CNR1: variants seen among roughly 807,000 people sequenced by gnomAD.
CNR1 encodes cannabinoid receptor 1 (brain).
A neutral mutation model predicts 23.0 loss-of-function variants in CNR1; 10 were observed. That is an observed-to-expected ratio of 0.43 (90% confidence interval 0.27 to 0.74). The LOEUF is 0.74. Among genes scored for constraint, CNR1 ranks in the 30% least tolerant of loss-of-function variants. CNR1 has a pLI of 0.19. For synonymous variants in CNR1, 271 were observed against 255.2 expected (o/e 1.06, Z -0.59); for missense variants, 422 against 618.8 (o/e 0.68, Z 3.37).
chr6:88,154,685 T>C (rs1165781511), intron 1 of CNR1, among the ~76,000 whole-genome samples: 2 of 152,186 alleles, frequency 1.3e-5, no homozygotes, highest in African/African-American at 4.8e-5. Flanking sequence ...TTCAAGTGAT[T>C]CTCCTGCCTC....
chr6:88,146,732 A>C (rs1388247545), intron 1 of CNR1, among the ~76,000 whole-genome samples: 1 of 152,240 alleles, frequency 6.6e-6, no homozygotes, highest in African/African-American at 2.4e-5. Context: ...TAAAATAAGA[A>C]TTAAAACAAT....
chr6:88,153,045 A>G (rs1562510828), intron 1 of CNR1, among the ~76,000 whole-genome samples: 2 of 152,382 alleles, frequency 1.3e-5, no homozygotes, highest in South Asian at 4.1e-4. Context: ...TAGCCAACAT[A>G]TTCTAACAGT....
intron 1 of CNR1, among the ~76,000 whole-genome samples, chr6:88,152,861 T>C (rs916954609): frequency 4.6e-5 from 7 of 152,346 alleles, no homozygotes; most frequent in African/African-American, 1.7e-4. Context: ...TTGGGGGATG[T>C]AGCTGCCATT....
rs762109441 is a variant in CNR1 at position 88,144,240 on chromosome 6, C to G, written c.1035G>C (p.Leu345=). The G allele has an allele frequency of 2.5e-6, 4 of 1,611,392 alleles. No individual in the cohort carries two copies. The highest frequency in any genetic ancestry group is 3.3e-5 in the Admixed American group (2 of 59,994). The change falls in exon 2 of 2, where the codon CTG becomes CTC. Residue 345 remains leucine, a synonymous_variant. Transcript: ENST00000369501. The surrounding 1 kb of genome is among the most constrained non-coding windows in gnomAD (Gnocchi z 7.8). ...TGATCAACACCACCAGGATCAGGAC[C>G]AGGGTCTTGGCTAACCTAATGTCCA... ...ARMDIRLAKT[L]VLILVVLIIC... is the part of the protein sequence containing the mutation.
chr6:88,154,859 C>T (rs748649608), intron 1 of CNR1, among the ~76,000 whole-genome samples: 2 of 152,192 alleles, frequency 1.3e-5, no homozygotes, highest in Non-Finnish European at 2.9e-5. Context: ...GGATTACAGG[C>T]TTGAGCCACT....
chr6:88,157,406 C>A (rs1777859957), intron 1 of CNR1, among the ~76,000 whole-genome samples: 1 of 152,028 alleles, frequency 6.6e-6, no homozygotes, highest in Non-Finnish European at 1.5e-5. Context: ...TCTCCTCCTG[C>A]TACAACATTT....
chr6:88,149,827 CA>C (rs1259723905), intron 1 of CNR1, among the ~76,000 whole-genome samples: 1 of 152,178 alleles, frequency 6.6e-6, no homozygotes, highest in African/African-American at 2.4e-5. Flanking sequence ...CAGGCCTCAT[CA>C]CGTCGTATAA....
chr6:88,165,399 T>C (rs929149570), intron 1 of CNR1, among the ~76,000 whole-genome samples: 1 of 152,220 alleles, frequency 6.6e-6, no homozygotes, highest in African/African-American at 2.4e-5. Flanking sequence ...TACATCTCTT[T>C]ATATGACATT....
chr6:88,149,308 G>A (rs965393660), intron 1 of CNR1, among the ~76,000 whole-genome samples: 1 of 152,168 alleles, frequency 6.6e-6, no homozygotes, highest in South Asian at 2.1e-4. Flanking sequence ...AGTATCCTTA[G>A]TATCCTTAGG....
In CNR1 at chr6:88,144,936, G is replaced by T; in HGVS notation, c.339C>A (p.Pro113=). ...MDIECFMVLN[P]SQQLAIAVLS... ...GGACTGCAATGGCCAGCTGCTGGCTGGGGTTCAGGACCATGAAACACTCTA... is the reference window on the plus strand; with the variant it reads ...GGACTGCAATGGCCAGCTGCTGGCTTGGGTTCAGGACCATGAAACACTCTA... The change falls in exon 2 of 2, where the codon CCC becomes CCA. Residue 113 remains proline, a synonymous_variant. Transcript: ENST00000369501. The surrounding 1 kb of genome is among the most constrained non-coding windows in gnomAD (Gnocchi z 7.8). 1 of 1,614,168 alleles carries T rather than the reference G, an allele frequency of 6.2e-7. No individual in the cohort carries two copies. Among genetic ancestry groups the T allele is most frequent in the Non-Finnish European group, 8.5e-7 (1 of 1,180,024 alleles).
At chr6:88,155,599 A>C (rs1777750703) in intron 1 of CNR1, among the ~76,000 whole-genome samples, 1 of 152,238 alleles carries the variant, frequency 6.6e-6, no homozygotes, top group South Asian at 2.1e-4. Flanking sequence ...GTTTGGGAGA[A>C]GGTACACGTT....
chr6:88,162,937 A>C (rs1422174622), intron 1 of CNR1: 1 of 152,222 alleles, frequency 6.6e-6, no homozygotes, highest in Non-Finnish European at 1.5e-5. Context: ...TAAATACAAA[A>C]ATAGAAGAAA....
In CNR1 at chr6:88,140,531, CAATT is replaced by C. The variant is rs751495962; in HGVS notation, c.*3321_*3324del. ...ATTTCATCAGAAGGCCAGTGCAAGA[CAATT>C]AATTGTTAATAGCCATTGCCCAGCA... On this transcript the variant is annotated 3_prime_UTR_variant, in exon 2 of 2. Coordinates refer to ENST00000369501, the MANE Select transcript of CNR1 (RefSeq NM_016083.6). The C allele has an allele frequency of 3.3e-5, 5 of 152,720 alleles. No individual in the cohort carries two copies. Among genetic ancestry groups the C allele is most frequent in the African/African-American group, 9.7e-5 (4 of 41,424 alleles). 9.5% of individuals were successfully genotyped at this position (152,720 alleles called of 1,614,324 possible).
intron 1 of CNR1, among the ~76,000 whole-genome samples, chr6:88,165,576 A>G (rs2127774808): frequency 6.6e-6 from 1 of 152,366 alleles, no homozygotes; most frequent in Non-Finnish European, 1.5e-5. Context: ...CAGTGCATAC[A>G]GAGCCAGGTG....
At chr6:88,150,288 A>G (rs1348668503) in intron 1 of CNR1, among the ~76,000 whole-genome samples, 1 of 152,216 alleles carries the variant, frequency 6.6e-6, no homozygotes, top group Non-Finnish European at 1.5e-5. Context: ...TTCAAAAGGT[A>G]CAGAAAGACA....
chr6:88,150,119 T>A (rs1056390001), intron 1 of CNR1, among the ~76,000 whole-genome samples: 1 of 152,234 alleles, frequency 6.6e-6, no homozygotes, highest in Non-Finnish European at 1.5e-5. Context: ...AGTTTGAGCC[T>A]CCATCTCCAA....
chr6:88,163,456 A>G (rs1325002365), intron 1 of CNR1, among the ~76,000 whole-genome samples: 1 of 152,268 alleles, frequency 6.6e-6, no homozygotes, highest in African/African-American at 2.4e-5. Context: ...CTTACATAGC[A>G]AAGTATTTGA....
chr6:88,161,895 T>C (rs1353523979), intron 1 of CNR1, among the ~76,000 whole-genome samples: 1 of 152,216 alleles, frequency 6.6e-6, no homozygotes, highest in Non-Finnish European at 1.5e-5. Context: ...ACTATAACTA[T>C]CTTAATATGC....
intron 1 of CNR1, among the ~76,000 whole-genome samples, chr6:88,156,455 C>T (rs1049265985): frequency 6.6e-6 from 1 of 152,204 alleles, no homozygotes; most frequent in Non-Finnish European, 1.5e-5. Context: ...ACCTCGAATA[C>T]AGCCCACCCT....
Sources: gnomAD v4.1 joint callset for allele counts (sites outside exome capture counted in the v4.1 genomes callset) on GRCh38, gnomAD v4.1.1 for gene constraint, Gnocchi (gnomAD v3.1) non-coding constraint, MANE v1.5 for transcripts, NCBI Gene and HGNC (gene_info 2026-07-23, HGNC 2026-07-21) for gene names.